PRKD2: variants seen among roughly 807,000 people sequenced by gnomAD.
PRKD2 encodes protein kinase D2, also known as serine/threonine-protein kinase D2.
Under a neutral mutation model 86.0 loss-of-function variants are expected in PRKD2, and 22 were observed. That is an observed-to-expected ratio of 0.26 (90% CI 0.18 to 0.37). The LOEUF (loss-of-function observed/expected upper bound fraction) is 0.37. PRKD2 is among the 10% of genes least tolerant of loss of function. The pLI, the probability that PRKD2 is intolerant of heterozygous loss-of-function variation, is 1.00. For missense variants in PRKD2, 818 were observed against 1,199.2 expected (o/e 0.68, Z 4.70); for synonymous variants, 509 against 510.9 (o/e 1.00, Z 0.05).
In PRKD2 at chr19:46,714,306, G is replaced by T; in HGVS notation, c.241-305C>A. 4 of 1,160,708 alleles carry T rather than the reference G, an allele frequency of 3.4e-6. No homozygotes were observed. The South Asian group carries it at 9.6e-5, about 28-fold the overall frequency. 71.9% of individuals were successfully genotyped at this position (1,160,708 alleles called of 1,614,324 possible). A position where few individuals can be genotyped will look rare whatever the true frequency, so the allele number is the denominator to read the frequency against. On this transcript the variant is annotated intron_variant, in intron 1 of 17. Transcript: ENST00000291281. ...ATTTTCCGGAACCTGGCGGAGGTGG[G>T]AGGGGATGCTGAATGAACACTCCCT...
chr19:46,715,110 C>T (rs1032306703), intron 1 of PRKD2, among the ~76,000 whole-genome samples: 3 of 152,150 alleles, frequency 2.0e-5, no homozygotes, highest in Non-Finnish European at 4.4e-5. Context: ...TAGATTCCTA[C>T]CTGGTATCAC....
chr19:46,705,710 C>G (rs1461358376), intron 3 of PRKD2, among the ~76,000 whole-genome samples: 1 of 151,992 alleles, frequency 6.6e-6, no homozygotes, highest in East Asian at 1.9e-4. Flanking sequence ...TCACTTGAAC[C>G]CAGGAGGCAG....
intron 1 of PRKD2, 168 bp from the exon 2 acceptor site, chr19:46,714,169 C>A (rs1380170324): frequency 2.2e-6 from 3 of 1,334,558 alleles, no homozygotes; most frequent in Non-Finnish European, 2.9e-6. Context: ...GCGAGCCGGG[C>A]AGGATGCCAG....
At chr19:46,674,826 T>G in intron 17 of PRKD2, 91 bp from the exon 18 acceptor site, 2 of 1,392,926 alleles carry the variant, frequency 1.4e-6, no homozygotes, top group Non-Finnish European at 1.9e-6. Flanking sequence ...TGGGTACCAA[T>G]GAAGGTGAAG....
At chr19:46,675,003 C>G in intron 17 of PRKD2, 30 bp downstream of exon 17, 6 of 1,569,128 alleles carry the variant, frequency 3.8e-6, no homozygotes, top group Non-Finnish European at 5.2e-6. Flanking sequence ...TCCAATCCAG[C>G]CAATGGGCCA....
intron 9 of PRKD2, among the ~76,000 whole-genome samples, chr19:46,696,527 A>AG (rs1447729798): frequency 3.9e-5 from 6 of 152,046 alleles, no homozygotes; most frequent in African/African-American, 9.7e-5. Flanking sequence ...TGGGAGGCCG[A>AG]GGGGGGCAGA....
chr19:46,687,080 C>A (rs879069775), intron 14 of PRKD2, among the ~76,000 whole-genome samples: 1 of 150,352 alleles, frequency 6.7e-6, no homozygotes, highest in East Asian at 1.9e-4. Flanking sequence ...GCACCTCCAC[C>A]AAAAAAAAAG....
In PRKD2 at chr19:46,697,861, A is replaced by G; in HGVS notation, c.1122-11T>C. On this transcript the variant is annotated splice_polypyrimidine_tract_variant and intron_variant, in intron 7 of 17. Coordinates refer to ENST00000291281, the MANE Select transcript of PRKD2 (RefSeq NM_016457.5). ...ATGTACCCCAGGGAGCTGCGAAGGA[A>G]GAGGAAGGGGTGAGAAGTCACATGC... The G allele has an allele frequency of 1.9e-6, 3 of 1,603,644 alleles. No individual in the cohort carries two copies. The highest frequency in any genetic ancestry group is 2.6e-6 in the Non-Finnish European group (3 of 1,170,774).
intron 5 of PRKD2, 93 bp downstream of exon 5, chr19:46,704,076 C>T (rs1388606604): frequency 5.2e-6 from 8 of 1,549,270 alleles, no homozygotes; most frequent in Non-Finnish European, 7.0e-6. Flanking sequence ...CCTGGGGTCC[C>T]AAGGCTCAGA....
intron 7 of PRKD2, among the ~76,000 whole-genome samples, chr19:46,698,902 C>T (rs1035594383): frequency 2.0e-5 from 3 of 152,144 alleles, no homozygotes; most frequent in Admixed American, 2.0e-4. Flanking sequence ...TCTCCCCACA[C>T]CCGCCACCCC....
chr19:46,690,569 A>C (rs2053468995), intron 13 of PRKD2, 31 bp downstream of exon 13: 1 of 1,602,844 alleles, frequency 6.2e-7, no homozygotes, highest in Non-Finnish European at 8.5e-7. Flanking sequence ...TGAAAGGAAG[A>C]AGCAGAAAGG....
intron 5 of PRKD2, among the ~76,000 whole-genome samples, chr19:46,702,523 G>T (rs1180020645): frequency 6.6e-6 from 1 of 152,052 alleles, no homozygotes; most frequent in Non-Finnish European, 1.5e-5. Flanking sequence ...AGAATCTGCA[G>T]ATTCCAAGGT....
chr19:46,680,946 A>ATTTTTTT (rs1222612655), intron 15 of PRKD2, among the ~76,000 whole-genome samples: 1 of 48,254 alleles, frequency 2.1e-5, no homozygotes, highest in Non-Finnish European at 4.0e-5. Context: ...ATATATATAT[A>ATTTTTTT]TTTTTTTTTT....
intron 3 of PRKD2, among the ~76,000 whole-genome samples, chr19:46,709,825 T>G (rs1165148175): frequency 6.6e-6 from 1 of 152,222 alleles, no homozygotes; most frequent in Non-Finnish European, 1.5e-5. Context: ...GGACATCAGC[T>G]TCAGCTTGTG....
At chr19:46,691,649 G>A in intron 12 of PRKD2, 86 bp downstream of exon 12, 2 of 1,333,730 alleles carry the variant, frequency 1.5e-6, no homozygotes, top group Admixed American at 1.7e-5. Context: ...AGAAAGGAAG[G>A]GTTGGAGCCA....
intron 2 of PRKD2, among the ~76,000 whole-genome samples, chr19:46,713,622 T>C (rs2053839748): frequency 6.6e-6 from 1 of 151,618 alleles, no homozygotes; most frequent in Non-Finnish European, 1.5e-5. Context: ...TCCTTATTTT[T>C]TTTTTTCAGA....
intron 15 of PRKD2, among the ~76,000 whole-genome samples, chr19:46,681,039 C>T (rs550126386): frequency 4.1e-5 from 6 of 148,048 alleles, no homozygotes; most frequent in East Asian, 2.0e-4. Context: ...CTGCAAGCTC[C>T]GCCTCCCGGG....
intron 14 of PRKD2, 122 bp downstream of exon 14, chr19:46,689,415 G>A: frequency 8.3e-7 from 1 of 1,202,134 alleles, no homozygotes; most frequent in Non-Finnish European, 1.1e-6. Flanking sequence ...GCCTGATGAT[G>A]GTTTCTGTTA....
Position 46,716,255 on chromosome 19 carries a change from G to A in PRKD2, c.116C>T (p.Pro39Leu). Reference sequence around the variant, plus strand: ...AAAGGAGACCCCGGAACCCGGGGCCGGGATCTGGGGCAGTAGCGGTGGCGG... The same window carrying A: ...AAAGGAGACCCCGGAACCCGGGGCCAGGATCTGGGGCAGTAGCGGTGGCGG... ...QSPPPLLPQI[P>L]APGSGVSFHI... Residue 39 changes from proline (P) to leucine (L), a missense_variant, in exon 1 of 18, where the codon CCG (proline) becomes CTG (leucine). Transcript: ENST00000291281. This position sits in a 1 kb window ranked among gnomAD's most constrained non-coding sequence, Gnocchi z 7.9. 3.1e-6 allele frequency: 5 copies of A among 1,602,074 alleles called. No individual in the cohort carries two copies. The highest frequency in any genetic ancestry group is 1.4e-5 in the African/African-American group (1 of 73,826).
Sources: allele counts gnomAD v4.1 joint callset (sites outside exome capture counted in the v4.1 genomes callset), GRCh38; gene constraint gnomAD v4.1.1; non-coding constraint Gnocchi (gnomAD v3.1); transcripts MANE v1.5; gene names NCBI Gene and HGNC (gene_info 2026-07-23, HGNC 2026-07-21).